The following DNAH3 variants were observed in gnomAD, a reference collection of about 807,000 sequenced individuals.
DNAH3 encodes the protein dynein axonemal heavy chain 3, also known as axonemal beta dynein heavy chain 3.
A neutral mutation model predicts 432.5 loss-of-function variants in DNAH3; 332 were observed. That is an observed-to-expected ratio of 0.77 (90% CI 0.70 to 0.84). The LOEUF is 0.84. Among genes scored for constraint, DNAH3 ranks in the 40% least tolerant of loss-of-function variants. The probability of loss-of-function intolerance (pLI) is 0.00; values close to 1 mark genes in which losing one functional copy is unlikely to be tolerated. For missense variants in DNAH3, 4,861 were observed against 5,114.0 expected (o/e 0.95, Z 1.51); for synonymous variants, 1,956 against 1,900.2 (o/e 1.03, Z -0.76).
At chr16:20,944,149 TA>T (rs201074315) in intron 58 of DNAH3, among the ~76,000 whole-genome samples, 85 of 126,222 alleles carry the variant, frequency 6.7e-4, no homozygotes, top group East Asian at 8.8e-4. Context: ...TCTTTTAAAT[TA>T]AAAAAAAAAG....
chr16:20,947,507 G>A (rs1201933384), intron 57 of DNAH3, among the ~76,000 whole-genome samples: 1 of 152,172 alleles, frequency 6.6e-6, no homozygotes, highest in East Asian at 1.9e-4. Flanking sequence ...TGTGACTGGT[G>A]TCTGGGTTGG....
chr16:20,992,588 C>T (rs973610387), intron 44 of DNAH3, among the ~76,000 whole-genome samples: 1 of 152,192 alleles, frequency 6.6e-6, no homozygotes, highest in Non-Finnish European at 1.5e-5. Flanking sequence ...GATCTGCCTG[C>T]CTCAGCCTCC....
At position 20,948,499 on chromosome 16, in the gene DNAH3, G is replaced by A. The variant is rs183131293; in HGVS notation, c.11327C>T (p.Pro3776Leu). Residue 3776 changes from proline to leucine, a missense_variant, in exon 57 of 62, where the codon CCT (proline) becomes CTT (leucine). Coordinates refer to ENST00000261383, the Ensembl canonical transcript of DNAH3. Reference sequence around the variant, plus strand: ...ACCCCTTACCTGGTAGGAGCCATGAGGAGGGATGTAGTAAGTGTCTCCAGG... The same window carrying A: ...ACCCCTTACCTGGTAGGAGCCATGAAGAGGGATGTAGTAAGTGTCTCCAGG... The A allele has an allele frequency of 5.1e-5, 83 of 1,613,700 alleles. No individual in the cohort carries two copies. In the East Asian group the frequency reaches 9.1e-4, roughly 18 times the overall value.
intron 1 of DNAH3, among the ~76,000 whole-genome samples, chr16:21,152,629 C>G (rs1162546471): frequency 6.6e-6 from 1 of 152,364 alleles, no homozygotes; most frequent in East Asian, 1.9e-4. Flanking sequence ...GGGCTGCGCA[C>G]GGCGCTTGCG....
At chr16:21,033,987 G>A (rs551062582) in exon 36 of DNAH3, 50 of 1,612,948 alleles carry the variant, frequency 3.1e-5, no homozygotes, top group African/African-American at 1.7e-4. Context: ...CGTGTAAATC[G>A]CCGAGAGCTG....
At chr16:21,103,517 C>T (rs187821949) in intron 16 of DNAH3, among the ~76,000 whole-genome samples, 1 of 152,230 alleles carries the variant, frequency 6.6e-6, no homozygotes, top group Admixed American at 6.5e-5. Context: ...GGCCAGTATC[C>T]ATCCAGGTGG....
chr16:20,936,365 A>G (rs149794935), intron 60 of DNAH3, among the ~76,000 whole-genome samples: 15,915 of 152,056 alleles, frequency 0.1, 890 homozygotes, highest in African/African-American at 0.14. Context: ...CATGCTGGCC[A>G]GGCTGGTGTC....
At chr16:21,063,703 C>G (rs536109747) in intron 24 of DNAH3, among the ~76,000 whole-genome samples, 1 of 151,814 alleles carries the variant, frequency 6.6e-6, no homozygotes, top group African/African-American at 2.4e-5. Context: ...CCACCACGCA[C>G]GGCTAATTTT....
At chr16:21,002,196 C>T (rs1029426473) in intron 42 of DNAH3, among the ~76,000 whole-genome samples, 4 of 152,116 alleles carry the variant, frequency 2.6e-5, no homozygotes, top group African/African-American at 9.7e-5. Context: ...GAACAATCTC[C>T]AGTCACTTCA....
intron 7 of DNAH3, among the ~76,000 whole-genome samples, chr16:21,128,625 T>C (rs1009024029): frequency 6.8e-6 from 1 of 148,060 alleles, no homozygotes; most frequent in African/African-American, 2.5e-5. Flanking sequence ...ACTCGGGAGG[T>C]GGAGCTTGCA....
chr16:21,145,103 C>T, intron 3 of DNAH3, 78 bp downstream of exon 4: 1 of 1,265,434 alleles, frequency 7.9e-7, no homozygotes, highest in Non-Finnish European at 1.1e-6. Flanking sequence ...CAGAGTGAGA[C>T]TCCATCTAAA....
chr16:21,069,051 A>G (rs1195798867), intron 23 of DNAH3, among the ~76,000 whole-genome samples: 2 of 151,946 alleles, frequency 1.3e-5, no homozygotes, highest in East Asian at 3.9e-4. Context: ...CAGCCCTCCG[A>G]GTAGCTGGGA....
At chr16:21,136,345 A>G in exon 6 of DNAH3, 1 of 1,613,924 alleles carries the variant, frequency 6.2e-7, no homozygotes, top group Non-Finnish European at 8.5e-7. Flanking sequence ...ATGAGGCTAC[A>G]GTAATAGTCA....
chr16:21,054,212 GTCCCTGGAAA>G (rs1193915599), intron 28 of DNAH3, among the ~76,000 whole-genome samples, 198 bp downstream of exon 28: 9 of 152,278 alleles, frequency 5.9e-5, no homozygotes, highest in African/African-American at 2.2e-4. Flanking sequence ...TGCTTGGAGG[GTCCCTGGAAA>G]TCAGGTTGCG....
At chr16:20,955,026 A>C in exon 55 of DNAH3, 1 of 1,612,458 alleles carries the variant, frequency 6.2e-7, no homozygotes, top group Non-Finnish European at 8.5e-7. Flanking sequence ...CTGACTGGAA[A>C]CTTCTCTGAT....
intron 18 of DNAH3, among the ~76,000 whole-genome samples, chr16:21,087,605 C>T (rs2091419618): frequency 6.6e-6 from 1 of 152,086 alleles, no homozygotes. Flanking sequence ...AAGTGCTTCA[C>T]AAAAGCCATG....
exon 36 of DNAH3, chr16:21,034,036 G>A: frequency 6.2e-7 from 1 of 1,613,768 alleles, no homozygotes; most frequent in East Asian, 2.2e-5. Flanking sequence ...GCCGCCCATG[G>A]GGTCTCCTAC....
intron 1 of DNAH3, among the ~76,000 whole-genome samples, chr16:21,151,409 C>T (rs2092851879): frequency 6.6e-6 from 1 of 150,962 alleles, no homozygotes; most frequent in South Asian, 2.1e-4. Flanking sequence ...CAAGCTCTGC[C>T]TCCCGGGTTC....
chr16:21,088,842 A>C (rs2091454366), intron 18 of DNAH3, among the ~76,000 whole-genome samples: 1 of 152,230 alleles, frequency 6.6e-6, no homozygotes, highest in South Asian at 2.1e-4. Context: ...GTCATTCTTC[A>C]AGGTTAATGA....
Sources: allele counts gnomAD v4.1 joint callset (sites outside exome capture counted in the v4.1 genomes callset), GRCh38; gene constraint gnomAD v4.1.1; transcripts MANE v1.5; gene names NCBI Gene and HGNC (gene_info 2026-07-23, HGNC 2026-07-21).